ABCA4: variants seen among roughly 807,000 people sequenced by gnomAD.
ABCA4 encodes ATP binding cassette subfamily A member 4, also known as retinal-specific phospholipid-transporting ATPase ABCA4.
A neutral mutation model predicts 263.7 loss-of-function variants in ABCA4; 196 were observed. That is an observed-to-expected ratio of 0.74 (90% CI 0.66 to 0.84). ABCA4 has a LOEUF of 0.84. Ranked by LOEUF, ABCA4 falls within the 40% of genes least tolerant of loss-of-function variation. The probability of loss-of-function intolerance (pLI) is 0.00; values close to 1 mark genes in which losing one functional copy is unlikely to be tolerated. For synonymous variants in ABCA4, 1,133 were observed against 1,094.2 expected (o/e 1.04, Z -0.70); for missense variants, 2,792 against 2,855.1 (o/e 0.98, Z 0.50).
intron 6 of ABCA4, among the ~76,000 whole-genome samples, chr1:94,092,593 G>C (rs1174983587): frequency 6.6e-6 from 1 of 152,196 alleles, no homozygotes; most frequent in Non-Finnish European, 1.5e-5. Flanking sequence ...AGGTCACAGA[G>C]ACATGCAGTC....
chr1:94,027,604 C>A (rs772003991), intron 30 of ABCA4, among the ~76,000 whole-genome samples: 1 of 152,110 alleles, frequency 6.6e-6, no homozygotes, highest in South Asian at 2.1e-4. Flanking sequence ...AAGATACATG[C>A]TTTAGAATAT....
At chr1:94,009,314 G>A (rs939755644) in intron 40 of ABCA4, among the ~76,000 whole-genome samples, 3 of 152,088 alleles carry the variant, frequency 2.0e-5, no homozygotes, top group African/African-American at 4.8e-5. Context: ...ACTAACCTCC[G>A]AGCCTCCCAC....
intron 1 of ABCA4, among the ~76,000 whole-genome samples, chr1:94,115,679 C>T (rs948490203): frequency 2.6e-5 from 4 of 151,454 alleles, no homozygotes; most frequent in Non-Finnish European, 4.4e-5. Flanking sequence ...GTGTTAAACA[C>T]GAAAGCACAA....
At chr1:94,014,253 C>G (rs1193447876) in intron 38 of ABCA4, among the ~76,000 whole-genome samples, 2 of 136,998 alleles carry the variant, frequency 1.5e-5, no homozygotes, top group Non-Finnish European at 1.5e-5. Context: ...GGAGAGAGGG[C>G]AGAAGGAAAG....
intron 24 of ABCA4, among the ~76,000 whole-genome samples, chr1:94,038,348 G>A (rs879934834): frequency 7.9e-5 from 12 of 152,178 alleles, no homozygotes; most frequent in South Asian, 2.1e-4. Flanking sequence ...GAGTTCTCTC[G>A]CACATTGTCT....
At chr1:94,092,041 C>G (rs967174762) in intron 6 of ABCA4, among the ~76,000 whole-genome samples, 1 of 152,092 alleles carries the variant, frequency 6.6e-6, no homozygotes, top group Admixed American at 6.5e-5. Flanking sequence ...CAGATGTCAC[C>G]CAACCGCACA....
In ABCA4 at chr1:94,044,716, T is replaced by C. The variant is rs1368508052; in HGVS notation, c.2947A>G (p.Thr983Ala). The change falls in exon 20 of 50, where the codon ACC becomes GCC. Residue 983 changes from threonine (T) to alanine (A), a missense_variant. By Grantham distance (58) the Thr-to-Ala change is moderately conservative. Transcript: ENST00000370225. ...LSILTGLLPP[T>A]SGTVLVGGRD... ...CCCCCAACGAGCACAGTCCCAGAGG[T>C]TGGTGGCAACAGACCCGTCAGGATG... The C allele has an allele frequency of 5.6e-6, 9 of 1,614,016 alleles. No individual in the cohort carries two copies. Among genetic ancestry groups the C allele is most frequent in the African/African-American group, 1.3e-5 (1 of 74,976 alleles).
intron 15 of ABCA4, 108 bp downstream of exon 15, chr1:94,056,493 G>A (rs770177306): frequency 2.4e-6 from 3 of 1,252,428 alleles, no homozygotes; most frequent in Non-Finnish European, 3.4e-6. Context: ...TTAACCTTAG[G>A]TCAAAGGCAA....
At chr1:94,040,775 C>A (rs1557777126) in intron 23 of ABCA4, among the ~76,000 whole-genome samples, 1 of 152,084 alleles carries the variant, frequency 6.6e-6, no homozygotes, top group African/African-American at 2.4e-5. Context: ...CTGGTTGGTA[C>A]TTTTTGCCTT....
chr1:94,044,568 G>C (rs745423876), intron 20 of ABCA4, 45 bp downstream of exon 20: 1 of 1,614,128 alleles, frequency 6.2e-7, no homozygotes, highest in Admixed American at 1.7e-5. Flanking sequence ...TGGGGGCAGA[G>C]GTGAGGAGAG....
At chr1:94,057,432 G>C (rs1374366073) in intron 14 of ABCA4, among the ~76,000 whole-genome samples, 4 of 152,186 alleles carry the variant, frequency 2.6e-5, no homozygotes, top group African/African-American at 9.7e-5. Flanking sequence ...GCATCTCCAG[G>C]GCCCTGGATA....
At chr1:94,027,718 C>A (rs1364128195) in intron 30 of ABCA4, among the ~76,000 whole-genome samples, 1 of 152,222 alleles carries the variant, frequency 6.6e-6, no homozygotes, top group Non-Finnish European at 1.5e-5. Flanking sequence ...TTGCTCCTCC[C>A]TGCTGCCTTA....
At chr1:94,026,241 T>C (rs2101029248) in intron 30 of ABCA4, among the ~76,000 whole-genome samples, 1 of 152,320 alleles carries the variant, frequency 6.6e-6, no homozygotes, top group South Asian at 2.1e-4. Flanking sequence ...CATTTGACTT[T>C]CCTCTTCTTT....
rs1459168634 is a variant in ABCA4 at position 94,098,812 on chromosome 1, G to T, written c.750C>A (p.Phe250Leu). 1 of 1,614,086 alleles carries T rather than the reference G, an allele frequency of 6.2e-7. No individual in the cohort carries two copies. The change falls in exon 6 of 50, where the codon TTC becomes TTA. Residue 250 changes from phenylalanine to leucine, a missense_variant. Transcript: ENST00000370225. ...CCCTTACCACACGGAAGAGCTTGAAGAAGTCCACGTTGGCATACAGAGTGT... is the reference window on the plus strand; with the variant it reads ...CCCTTACCACACGGAAGAGCTTGAATAAGTCCACGTTGGCATACAGAGTGT... ...IEDTLYANVDFFKLFRVLPTL... is the reference protein window; with the variant it reads ...IEDTLYANVDLFKLFRVLPTL...
At chr1:94,087,117 C>A in intron 6 of ABCA4, among the ~76,000 whole-genome samples, 1 of 152,152 alleles carries the variant, frequency 6.6e-6, no homozygotes, top group East Asian at 1.9e-4. Flanking sequence ...GACCTAATTG[C>A]CTCCGAAAGG....
chr1:94,047,102 A>C lies in ABCA4; in HGVS notation c.2744-9T>G. The C allele has an allele frequency of 6.2e-7, 1 of 1,611,620 alleles. No homozygotes were observed. Among genetic ancestry groups the C allele is most frequent in the Non-Finnish European group, 8.5e-7 (1 of 1,177,958 alleles). On this transcript the variant is annotated splice_polypyrimidine_tract_variant and intron_variant, in intron 18 of 49. Coordinates refer to ENST00000370225, the MANE Select transcript of ABCA4 (RefSeq NM_000350.3). ...ACGTTCAAAGAAGGAGTCTTGGAGGAAAAAAAATGAACATGATGTAAACAT... is the reference window on the plus strand; with the variant it reads ...ACGTTCAAAGAAGGAGTCTTGGAGGCAAAAAAATGAACATGATGTAAACAT...
intron 1 of ABCA4, among the ~76,000 whole-genome samples, chr1:94,117,773 T>C (rs953321252): frequency 6.6e-6 from 1 of 152,168 alleles, no homozygotes; most frequent in Non-Finnish European, 1.5e-5. Context: ...GTCTCCACGT[T>C]GTGCTGCACA....
chr1:94,030,365 A>C (rs556430139), intron 29 of ABCA4, 63 bp downstream of exon 29: 8 of 1,478,212 alleles, frequency 5.4e-6, no homozygotes, highest in Non-Finnish European at 7.5e-6. Flanking sequence ...GCCATCTTGA[A>C]CCCACCGTTG....
Position 94,060,627 on chromosome 1 carries a change from A to G in ABCA4, c.2070T>C (p.Gly690=). Reference sequence around the variant, plus strand: ...TACACCAAATCACTGCATTGGAGACACCCTGATTTTTCAAGGTCTCCTTCA... The same window carrying G: ...TACACCAAATCACTGCATTGGAGACGCCCTGATTTTTCAAGGTCTCCTTCA... ...LRLKETLKNQ[G]VSNAVIWCTW... is the part of the protein sequence containing the mutation. Residue 690 remains glycine, a synonymous_variant, in exon 14 of 50, where the codon GGT becomes GGC. Transcript: ENST00000370225. 6.2e-7 allele frequency: 1 copy of G among 1,614,162 alleles called. No homozygotes were observed. The highest frequency in any genetic ancestry group is 8.5e-7 in the Non-Finnish European group (1 of 1,180,034).
Sources: gnomAD v4.1 joint callset for allele counts (sites outside exome capture counted in the v4.1 genomes callset) on GRCh38, gnomAD v4.1.1 for gene constraint, MANE v1.5 for transcripts, NCBI Gene and HGNC (gene_info 2026-07-23, HGNC 2026-07-21) for gene names.